Variants in URB1 observed in about 807,000 individuals in gnomAD.
The protein encoded by URB1 is URB1 ribosome biogenesis factor, also known as nucleolar pre-ribosomal-associated protein 1.
URB1 carries 197 observed loss-of-function variants against 242.3 expected under a neutral mutation model. That is an observed-to-expected ratio of 0.81 (90% CI 0.72 to 0.91). The LOEUF is 0.91. Among genes scored for constraint, URB1 ranks in the 40% least tolerant of loss-of-function variants. The probability of loss-of-function intolerance (pLI) is 0.00; values close to 1 mark genes in which losing one functional copy is unlikely to be tolerated. For synonymous variants in URB1, 1,153 were observed against 1,201.8 expected (o/e 0.96, Z 0.84); for missense variants, 2,721 against 2,860.5 (o/e 0.95, Z 1.11).
At chr21:32,365,131 G>A (rs1420971019) in intron 10 of URB1, among the ~76,000 whole-genome samples, 1 of 152,234 alleles carries the variant, frequency 6.6e-6, no homozygotes, top group East Asian at 1.9e-4. Context: ...TTGGAAGGGA[G>A]AGCAAATGCA....
chr21:32,381,089 T>C (rs566345552), intron 4 of URB1, among the ~76,000 whole-genome samples: 50 of 152,376 alleles, frequency 3.3e-4, no homozygotes, highest in Middle Eastern at 6.8e-3. Context: ...CTCTAGGCTC[T>C]AGGCTCTGCC....
Position 32,317,959 on chromosome 21 carries a change from C to T in URB1, c.5793-42G>A, listed in dbSNP as rs758278556. The T allele has an allele frequency of 3.2e-6, 5 of 1,546,856 alleles. No homozygotes were observed. The South Asian group carries it at 3.6e-5, about 11-fold the overall frequency. On this transcript the variant is annotated intron_variant, in intron 36 of 38. Coordinates refer to ENST00000382751, the MANE Select transcript of URB1 (RefSeq NM_014825.3). ...GTTACAGACTGAGCAAAGGCTGCTG[C>T]CCCTGCCTGGCAGTCAGCACTGCGG...
chr21:32,318,523 G>A (rs541726372), intron 36 of URB1, among the ~76,000 whole-genome samples: 1 of 152,302 alleles, frequency 6.6e-6, no homozygotes, highest in East Asian at 1.9e-4. Flanking sequence ...TAACAATTTA[G>A]TTTTGAACAA....
intron 28 of URB1, among the ~76,000 whole-genome samples, chr21:32,336,681 G>A (rs1024767647): frequency 6.6e-6 from 1 of 152,066 alleles, no homozygotes; most frequent in African/African-American, 2.4e-5. Flanking sequence ...AAGCATGCAT[G>A]CACATACAGA....
intron 6 of URB1, among the ~76,000 whole-genome samples, chr21:32,374,195 T>C (rs1342524459): frequency 6.6e-6 from 1 of 152,182 alleles, no homozygotes; most frequent in Non-Finnish European, 1.5e-5. Flanking sequence ...GTGTTTACAA[T>C]TAGTTGTTTC....
intron 4 of URB1, among the ~76,000 whole-genome samples, chr21:32,382,624 C>T (rs1443554346): frequency 6.6e-6 from 1 of 152,148 alleles, no homozygotes; most frequent in Non-Finnish European, 1.5e-5. Flanking sequence ...TGGACTGATA[C>T]CTGTCCCCTT....
intron 35 of URB1, among the ~76,000 whole-genome samples, 170 bp from the exon 36 acceptor site, chr21:32,319,584 C>T (rs117579968): frequency 0.013 from 2,012 of 152,256 alleles, 36 homozygotes; most frequent in Non-Finnish European, 0.014. Context: ...CAAGGTGCAC[C>T]GTCCTAACAG....
chr21:32,332,333 CT>C (rs1374036431), intron 30 of URB1, among the ~76,000 whole-genome samples: 1 of 151,610 alleles, frequency 6.6e-6, no homozygotes, highest in Non-Finnish European at 1.5e-5. Flanking sequence ...AAATTAAAAG[CT>C]TTTGCTCTGT....
At chr21:32,370,173 G>A (rs1296379980) in intron 8 of URB1, among the ~76,000 whole-genome samples, 6 of 151,916 alleles carry the variant, frequency 3.9e-5, no homozygotes. Context: ...AAAATCCTCA[G>A]ACTCTGTCTC....
At chr21:32,324,343 G>A in intron 32 of URB1, 148 bp downstream of exon 32, 1 of 665,882 alleles carries the variant, frequency 1.5e-6, no homozygotes, top group South Asian at 1.9e-5. Context: ...GGGGACTTCG[G>A]TGGCTCCTCA....
intron 6 of URB1, among the ~76,000 whole-genome samples, chr21:32,374,287 T>C (rs932093605): frequency 6.6e-6 from 1 of 152,216 alleles, no homozygotes; most frequent in Non-Finnish European, 1.5e-5. Context: ...GACTTGACAC[T>C]GGTTCCTGCA....
rs1240188475 is a variant in URB1 at position 32,316,509 on chromosome 21, G to A, written c.6591C>T (p.Ala2197=). The A allele has an allele frequency of 7.1e-6, 11 of 1,546,532 alleles. No individual in the cohort carries two copies. The highest frequency in any genetic ancestry group is 9.6e-6 in the Non-Finnish European group (11 of 1,144,704). Residue 2197 remains alanine, a synonymous_variant, in exon 38 of 39, where the codon GCC becomes GCT. Transcript: ENST00000382751. The part of the protein sequence containing the change: ...AGSPFHPAME[A]LSLSSLSEKD... ...TCTCACTCAGAGAAGACAGGGAGAG[G>A]GCTTCCATGGCCGGGTGGAAGGGGC...
chr21:32,374,063 A>G (rs887595619), intron 6 of URB1, among the ~76,000 whole-genome samples: 1 of 152,208 alleles, frequency 6.6e-6, no homozygotes. Context: ...TTTTATTTAT[A>G]TATGATTACT....
chr21:32,338,678 G>C lies in URB1; in HGVS notation c.4510+29C>G. Reference sequence around the variant, plus strand: ...AAATCAGGAGATAAAATCTGGATACGGAATGGAAGGGCTGGGGTGAGGGGT... The same window carrying C: ...AAATCAGGAGATAAAATCTGGATACCGAATGGAAGGGCTGGGGTGAGGGGT... On this transcript the variant is annotated intron_variant, in intron 26 of 38. Transcript: ENST00000382751. 2.6e-6 allele frequency: 4 copies of C among 1,549,720 alleles called. No homozygotes were observed. In the South Asian group the frequency reaches 4.8e-5, roughly 18 times the overall value.
intron 11 of URB1, 88 bp from the exon 12 acceptor site, chr21:32,362,109 C>A: frequency 6.7e-7 from 1 of 1,482,906 alleles, no homozygotes; most frequent in South Asian, 1.3e-5. Context: ...ATGCAAAAAA[C>A]AGGGAGGGGG....
Position 32,341,471 on chromosome 21 carries a change from T to C in URB1, c.4311A>G (p.Gly1437=). 1 of 1,551,508 alleles carries C rather than the reference T, an allele frequency of 6.4e-7. No homozygotes were observed. Among genetic ancestry groups the C allele is most frequent in the Non-Finnish European group, 8.7e-7 (1 of 1,146,932 alleles). Residue 1437 remains glycine, a synonymous_variant, in exon 25 of 39, where the codon GGA becomes GGG. Coordinates refer to ENST00000382751, the MANE Select transcript of URB1 (RefSeq NM_014825.3). ...PGDWQKFVKK[G]LKFRYQDHTF... ...AGAAAATAAAATCAACTTACTTGAG[T>C]CCCTTCTTCACGAATTTCTGCCAGT...
chr21:32,338,640 A>G, intron 26 of URB1, 67 bp downstream of exon 26: 1 of 1,519,612 alleles, frequency 6.6e-7, no homozygotes, highest in Non-Finnish European at 8.9e-7. Context: ...GCCTCAGTGC[A>G]GCCAGTGTAA....
chr21:32,353,780 C>T (rs1203496125), intron 18 of URB1, among the ~76,000 whole-genome samples, 153 bp downstream of exon 18: 1 of 152,238 alleles, frequency 6.6e-6, no homozygotes, highest in Non-Finnish European at 1.5e-5. Context: ...GCTCCTAGCT[C>T]TGCTGGCTGG....
intron 31 of URB1, 34 bp from the exon 32 acceptor site, chr21:32,324,636 T>C (rs2032807060): frequency 6.7e-7 from 1 of 1,488,762 alleles, no homozygotes; most frequent in African/African-American, 1.4e-5. Context: ...AAATGTAAGA[T>C]GAGCGTGTTC....
Sources: allele counts gnomAD v4.1 joint callset (sites outside exome capture counted in the v4.1 genomes callset), GRCh38; gene constraint gnomAD v4.1.1; transcripts MANE v1.5; gene names NCBI Gene and HGNC (gene_info 2026-07-23, HGNC 2026-07-21).